Variants in RAF1 observed in about 807,000 individuals in gnomAD.
RAF1 encodes RAF proto-oncogene serine/threonine-protein kinase.
Under a neutral mutation model 81.1 loss-of-function variants are expected in RAF1, and 27 were observed. The ratio of observed to expected loss-of-function variants is 0.33; its 90% CI spans 0.25 to 0.46. The LOEUF (loss-of-function observed/expected upper bound fraction) is 0.46, where lower values mean the gene tolerates loss of function less well. Ranked by LOEUF, RAF1 falls within the 20% of genes least tolerant of loss-of-function variation. The probability of loss-of-function intolerance (pLI) is 1.00; values close to 1 mark genes in which losing one functional copy is unlikely to be tolerated. For synonymous variants in RAF1, 298 were observed against 294.0 expected (o/e 1.01, Z -0.14); for missense variants, 598 against 826.0 (o/e 0.72, Z 3.38).
At chr3:12,593,786 C>CTTTTTT (rs756831846) in intron 11 of RAF1, among the ~76,000 whole-genome samples, 17 of 111,264 alleles carry the variant, frequency 1.5e-4, no homozygotes, top group African/African-American at 2.2e-4. Flanking sequence ...GGAGTAAATC[C>CTTTTTT]TTTTTTTTTT....
chr3:12,608,011 G>A (rs542785175), intron 5 of RAF1, among the ~76,000 whole-genome samples: 117 of 146,122 alleles, frequency 8.0e-4, no homozygotes, highest in African/African-American at 2.8e-3. Context: ...TTAAAAGCTT[G>A]TGCCATTTGT....
rs2058249481 is a variant in RAF1 at position 12,584,415 on chromosome 3, T to G, written c.*99A>C. On this transcript the variant is annotated 3_prime_UTR_variant, in exon 18 of 18. Coordinates refer to ENST00000442415, the MANE Select transcript of RAF1 (RefSeq NM_001354689.3). ...AGAAGGTCCTTAGCAGCAGCTTCTC[T>G]GAAAACATGTGTTCTGCCTCTGGAG... is the stretch of plus-strand genomic sequence containing the variant. 1 of 1,508,608 alleles carries G rather than the reference T, an allele frequency of 6.6e-7. No homozygotes were observed. The highest frequency in any genetic ancestry group is 9.2e-7 in the Non-Finnish European group (1 of 1,090,842). The allele number at this position is 1,508,608 out of a possible 1,614,324, so 93.5% of individuals were successfully genotyped here. A position where few individuals can be genotyped will look rare whatever the true frequency, so the allele number is the denominator to read the frequency against.
rs772194284 is a variant in RAF1 at position 12,585,134 on chromosome 3, G to A, written c.1716C>T (p.Asn572=). The stretch of plus-strand genomic sequence containing the variant: ...AGCACAGACTTACCTGATCTCGGTT[G>A]TTGATGTGAGAATAAGGAAGCTCCC... Residue 572 remains asparagine (N), a synonymous_variant, in exon 16 of 18, where the codon AAC becomes AAT. Transcript: ENST00000442415. 4.3e-6 allele frequency: 7 copies of A among 1,614,194 alleles called. No homozygotes were observed. The East Asian group carries it at 1.1e-4, about 26-fold the overall frequency.
chr3:12,641,593 G>A (rs2060189355), intron 1 of RAF1, among the ~76,000 whole-genome samples: 1 of 150,148 alleles, frequency 6.7e-6, no homozygotes, highest in Non-Finnish European at 1.5e-5. Flanking sequence ...CCAGGTTCAA[G>A]GGATCCTCCC....
At chr3:12,592,110 AT>A (rs1032056187) in intron 11 of RAF1, 19 of 397,026 alleles carry the variant, frequency 4.8e-5, no homozygotes, top group African/African-American at 3.3e-4. Flanking sequence ...GTTAACTGCT[AT>A]CGCTACAGTT....
chr3:12,622,052 A>C (rs1448885170), intron 1 of RAF1, among the ~76,000 whole-genome samples: 1 of 152,194 alleles, frequency 6.6e-6, no homozygotes, highest in Non-Finnish European at 1.5e-5. Flanking sequence ...TGACAGAACA[A>C]GATCTCGCTG....
chr3:12,617,200 C>T (rs2059395396), intron 2 of RAF1, among the ~76,000 whole-genome samples: 1 of 152,190 alleles, frequency 6.6e-6, no homozygotes, highest in South Asian at 2.1e-4. Flanking sequence ...GCAACCTCTG[C>T]CTCCCGGGTT....
At chr3:12,642,331 C>T (rs1421659398) in intron 1 of RAF1, among the ~76,000 whole-genome samples, 1 of 114,642 alleles carries the variant, frequency 8.7e-6, no homozygotes, top group Non-Finnish European at 2.0e-5. Context: ...AAAACAAAAA[C>T]AAACAAACAA....
intron 1 of RAF1, among the ~76,000 whole-genome samples, chr3:12,631,578 G>A (rs11928312): frequency 0.019 from 2,924 of 152,264 alleles, 93 homozygotes; most frequent in African/African-American, 0.066. Flanking sequence ...CAGCCTAGGC[G>A]ACACAGTGAG....
At chr3:12,659,509 G>T (rs2060811424) in intron 1 of RAF1, among the ~76,000 whole-genome samples, 1 of 147,500 alleles carries the variant, frequency 6.8e-6, no homozygotes, top group Non-Finnish European at 1.5e-5. Context: ...CAAATATCTA[G>T]TATTACATTT....
chr3:12,589,473 C>T (rs1417419161), intron 13 of RAF1: 3 of 152,102 alleles, frequency 2.0e-5, no homozygotes, highest in South Asian at 2.1e-4. Flanking sequence ...TCTAGGGGTA[C>T]GAGGAGCTCC....
chr3:12,640,373 C>T (rs557417658), intron 1 of RAF1, among the ~76,000 whole-genome samples: 1 of 152,276 alleles, frequency 6.6e-6, no homozygotes, highest in African/African-American at 2.4e-5. Context: ...CAAATGGGAT[C>T]TAATTAAACT....
At chr3:12,653,735 T>C (rs2060602786) in intron 1 of RAF1, among the ~76,000 whole-genome samples, 1 of 150,878 alleles carries the variant, frequency 6.6e-6, no homozygotes. Flanking sequence ...CAAGACTATG[T>C]CTCAAAAAAA....
rs2125430417 is a variant in RAF1 at position 12,611,981 on chromosome 3, C to T, written c.289G>A (p.Ala97Thr). Residue 97 changes from alanine (A) to threonine (T), a missense_variant, in exon 3 of 18, where the codon GCA becomes ACA. Around this residue, in one of 5 missense-constraint regions of RAF1, gnomAD observed 89 missense variants for 169.2 expected, o/e 0.53. Coordinates refer to ENST00000442415, the MANE Select transcript of RAF1 (RefSeq NM_001354689.3). ...TGTTCGTGGAGAAGTCTGAACACTG[C>T]ACAGCACTCTGGTTGCAGGCCCCTC... 6.2e-7 allele frequency: 1 copy of T among 1,614,154 alleles called. No homozygotes were observed. Among genetic ancestry groups the T allele is most frequent in the South Asian group, 1.1e-5 (1 of 91,076 alleles).
At position 12,650,085 on chromosome 3, in the gene RAF1, G is replaced by A. The variant is rs375506420; in HGVS notation, c.-27+13728C>T. Among the ~76,000 whole-genome samples, 12 of 138,418 alleles carry A rather than the reference G, an allele frequency of 8.7e-5. No individual in the cohort carries two copies. In the East Asian group the frequency reaches 1.5e-3, roughly 17 times the overall value. 90.8% of individuals were successfully genotyped at this position (138,418 alleles called of 152,430 possible). ...TGCATGAACCCAGGAGGCGGAGGTC[G>A]CATTGAGCCAAGATCACGCCATTGC... On this transcript the variant is annotated intron_variant, in intron 1 of 17. Coordinates refer to ENST00000442415, the MANE Select transcript of RAF1 (RefSeq NM_001354689.3).
chr3:12,652,889 C>T (rs1301157075), intron 1 of RAF1, among the ~76,000 whole-genome samples: 1 of 150,518 alleles, frequency 6.6e-6, no homozygotes, highest in Admixed American at 6.6e-5. Flanking sequence ...TACAGTGAGC[C>T]AAGATTAAGC....
At chr3:12,589,442 T>A (rs1219937704) in intron 13 of RAF1, 6 of 152,196 alleles carry the variant, frequency 3.9e-5, no homozygotes, top group Non-Finnish European at 8.8e-5. Context: ...AGCACAGCTA[T>A]AGCTTAGTAA....
rs1441133834 is a variant in RAF1 at position 12,583,789 on chromosome 3, G to GAAAC, written c.*721_*724dup. ...GCTGTTTGTTTGTTTGTTTGTTAGA[G>GAAAC]AAACAAGGCTGGCCCTGCGGCCCCG... On this transcript the variant is annotated 3_prime_UTR_variant, in exon 18 of 18. Transcript: ENST00000442415. 1 of 233,266 alleles carries GAAAC rather than the reference G, an allele frequency of 4.3e-6. No homozygotes were observed. The highest frequency in any genetic ancestry group is 6.0e-5 in the East Asian group (1 of 16,586). The allele number at this position is 233,266 out of a possible 1,614,324, so 14.4% of individuals were successfully genotyped here.
intron 8 of RAF1, chr3:12,603,465 G>C (rs937562341): frequency 1.4e-6 from 1 of 694,174 alleles, no homozygotes; most frequent in East Asian, 2.7e-5. Context: ...AAGGCATGAA[G>C]AAAAATACCT....
Sources: gnomAD v4.1 joint callset for allele counts (sites outside exome capture counted in the v4.1 genomes callset) on GRCh38, gnomAD v4.1.1 for gene constraint, gnomAD v4.1.1 regional missense constraint, MANE v1.5 for transcripts, NCBI Gene and HGNC (gene_info 2026-07-23, HGNC 2026-07-21) for gene names.